VAMP5: variants seen among roughly 807,000 people sequenced by gnomAD.
VAMP5 encodes vesicle associated membrane protein 5.
In VAMP5, 10 loss-of-function variants were observed where a neutral mutation model predicts 8.1. The ratio of observed to expected loss-of-function variants is 1.23; its 90% CI spans 0.76 to 2.09. The LOEUF (loss-of-function observed/expected upper bound fraction) is 2.09, where lower values mean the gene tolerates loss of function less well. Among genes scored for constraint, VAMP5 ranks in the 30% most tolerant of loss-of-function variants. The pLI is 0.00. For synonymous variants in VAMP5, 62 were observed against 60.6 expected, an observed-to-expected ratio of 1.02 and a Z score of -0.11; for missense variants, 135 against 152.5, an observed-to-expected ratio of 0.89 and a Z score of 0.60.
intron 2 of VAMP5, among the ~76,000 whole-genome samples, chr2:85,592,376 C>T (rs1176228930): frequency 2.0e-5 from 3 of 152,312 alleles, no homozygotes; most frequent in African/African-American, 7.2e-5. Flanking sequence ...GGATTACAGG[C>T]ATGAGCCACT....
intron 1 of VAMP5, among the ~76,000 whole-genome samples, chr2:85,588,027 T>G: frequency 6.6e-6 from 1 of 152,098 alleles, no homozygotes; most frequent in Non-Finnish European, 1.5e-5. Context: ...GTCTCACTCC[T>G]TTGCCCAGGC....
At chr2:85,585,794 A>C (rs925053158) in intron 1 of VAMP5, among the ~76,000 whole-genome samples, 2 of 151,028 alleles carry the variant, frequency 1.3e-5, no homozygotes, top group Non-Finnish European at 3.0e-5. Flanking sequence ...TTCTTCTTTC[A>C]CTCTTGCCCC....
At chr2:85,587,319 C>T (rs996559069) in intron 1 of VAMP5, among the ~76,000 whole-genome samples, 3 of 151,216 alleles carry the variant, frequency 2.0e-5, no homozygotes, top group African/African-American at 7.3e-5. Flanking sequence ...GTGCAGTGGC[C>T]CTTAGTTCAC....
chr2:85,584,539 C>A (rs1018741877), intron 1 of VAMP5, 46 bp downstream of exon 1: 4 of 1,236,370 alleles, frequency 3.2e-6, no homozygotes, highest in African/African-American at 1.6e-5. Flanking sequence ...GGGCAGAGGG[C>A]GAGTGGCGAG....
chr2:85,590,035 T>G (rs958604119), intron 1 of VAMP5, among the ~76,000 whole-genome samples: 1 of 152,096 alleles, frequency 6.6e-6, no homozygotes, highest in African/African-American at 2.4e-5. Flanking sequence ...GTAGTAATAA[T>G]AGTGATGACG....
rs11311 is a variant in VAMP5 at position 85,584,469 on chromosome 2, C to T, written c.-22C>T. ...CGCAGGCAGAGAAGCCGGGAGCGGG[C>T]GAGGCGGCGGCGGCAGCAGCGATGG... On this transcript the variant is annotated 5_prime_UTR_variant, in exon 1 of 3. Coordinates refer to ENST00000306384, the MANE Select transcript of VAMP5 (RefSeq NM_006634.3). The T allele has an allele frequency of 0.14, 179,193 of 1,242,550 alleles. 18,855 individuals are homozygous for T. Among genetic ancestry groups the T allele is most frequent in the African/African-American group, 0.52 (33,706 of 64,532 alleles). The allele number at this position is 1,242,550 out of a possible 1,614,324, so 77.0% of individuals were successfully genotyped here. A position where few individuals can be genotyped will look rare whatever the true frequency, so the allele number is the denominator to read the frequency against.
In VAMP5 at chr2:85,593,350, C is replaced by T. The variant is rs1672579256; in HGVS notation, c.*193C>T. On this transcript the variant is annotated 3_prime_UTR_variant, in exon 3 of 3. Coordinates refer to ENST00000306384, the MANE Select transcript of VAMP5 (RefSeq NM_006634.3). ...AGCCTGCTGTACTGGCCATGCTGGG[C>T]CAGCCCCACCTGGAGCTCAGTAAAA... 3 of 628,626 alleles carry T rather than the reference C, an allele frequency of 4.8e-6. No individual in the cohort carries two copies. The highest frequency in any genetic ancestry group is 1.9e-5 in the South Asian group (1 of 52,542). 38.9% of individuals were successfully genotyped at this position (628,626 alleles called of 1,614,324 possible). A position where few individuals can be genotyped will look rare whatever the true frequency, so the allele number is the denominator to read the frequency against.
intron 1 of VAMP5, among the ~76,000 whole-genome samples, chr2:85,589,376 G>A (rs972507969): frequency 3.9e-5 from 6 of 152,248 alleles, no homozygotes; most frequent in African/African-American, 7.2e-5. Flanking sequence ...TCCCTGGAGC[G>A]AATGTGTTCT....
intron 1 of VAMP5, among the ~76,000 whole-genome samples, chr2:85,586,252 A>G (rs547567076): frequency 1.4e-4 from 21 of 152,254 alleles, no homozygotes; most frequent in African/African-American, 5.1e-4. Context: ...TGGACAGGTG[A>G]TTTAACACCT....
chr2:85,590,860 T>A (rs915263729), intron 1 of VAMP5, among the ~76,000 whole-genome samples: 1 of 152,216 alleles, frequency 6.6e-6, no homozygotes, highest in Non-Finnish European at 1.5e-5. Context: ...GTGCCTTTCT[T>A]GCACATGACC....
intron 1 of VAMP5, among the ~76,000 whole-genome samples, chr2:85,585,863 A>ACTTTT (rs1187671991): frequency 5.3e-5 from 8 of 151,262 alleles, no homozygotes; most frequent in African/African-American, 1.9e-4. Flanking sequence ...TCTTCCTTTC[A>ACTTTT]CTTTTCTTTT....
rs184304322 is a variant in VAMP5, at chr2:85,593,233, C to T, written c.*76C>T. 5 of 1,506,234 alleles carry T rather than the reference C, an allele frequency of 3.3e-6. No homozygotes were observed. The highest frequency in any genetic ancestry group is 3.6e-6 in the Non-Finnish European group (4 of 1,101,728). 93.3% of individuals were successfully genotyped at this position (1,506,234 alleles called of 1,614,324 possible). On this transcript the variant is annotated 3_prime_UTR_variant, in exon 3 of 3. Transcript: ENST00000306384. ...TCTCCAGAGGACCTTGGTGTTTGCT[C>T]TCCCTTGACCCACCCCAGTGAGTGC... is the stretch of plus-strand genomic sequence containing the variant.
At chr2:85,591,541 G>C in intron 1 of VAMP5, 184 bp from the exon 2 acceptor site, 2 of 821,474 alleles carry the variant, frequency 2.4e-6, no homozygotes, top group Non-Finnish European at 3.7e-6. Flanking sequence ...TGAGACTTAA[G>C]GTGTGCCGCA....
chr2:85,593,242 C>G lies in VAMP5; in HGVS notation c.*85C>G, dbSNP rs936875524. 30 of 1,456,786 alleles carry G rather than the reference C, an allele frequency of 2.1e-5. No homozygotes were observed. The African/African-American group carries it at 4.2e-4, about 20-fold the overall frequency. 90.2% of individuals were successfully genotyped at this position (1,456,786 alleles called of 1,614,324 possible). ...GACCTTGGTGTTTGCTCTCCCTTGA[C>G]CCACCCCAGTGAGTGCCAAAGGGCA... is the stretch of plus-strand genomic sequence containing the variant. On this transcript the variant is annotated 3_prime_UTR_variant, in exon 3 of 3. Coordinates refer to ENST00000306384, the MANE Select transcript of VAMP5 (RefSeq NM_006634.3).
chr2:85,591,676 G>A, intron 1 of VAMP5, 49 bp from the exon 2 acceptor site: 1 of 1,612,504 alleles, frequency 6.2e-7, no homozygotes, highest in Non-Finnish European at 8.5e-7. Context: ...GGGCAGATGA[G>A]GGCCAGGTGG....
At chr2:85,592,094 T>A (rs570531717) in intron 2 of VAMP5, among the ~76,000 whole-genome samples, 1 of 152,102 alleles carries the variant, frequency 6.6e-6, no homozygotes, top group Non-Finnish European at 1.5e-5. Flanking sequence ...AAAACTGGTA[T>A]CGTTTTTTGT....
chr2:85,588,584 T>A (rs561062715), intron 1 of VAMP5, among the ~76,000 whole-genome samples: 120 of 152,314 alleles, frequency 7.9e-4, no homozygotes, highest in Non-Finnish European at 1.5e-3. Context: ...CCCCTCTGGC[T>A]GGCCTCTCTG....
At chr2:85,592,270 G>T (rs925524144) in intron 2 of VAMP5, among the ~76,000 whole-genome samples, 1 of 151,990 alleles carries the variant, frequency 6.6e-6, no homozygotes, top group Non-Finnish European at 1.5e-5. Flanking sequence ...TCTAATTTTT[G>T]ATTTTTTGTA....
rs1344999067 is a variant in VAMP5 at position 85,593,397 on chromosome 2, G to T, written c.*240G>T. The T allele has an allele frequency of 5.4e-6, 3 of 560,190 alleles. No individual in the cohort carries two copies. The highest frequency in any genetic ancestry group is 3.8e-5 in the African/African-American group (2 of 52,960). The allele number at this position is 560,190 out of a possible 1,614,324, so 34.7% of individuals were successfully genotyped here. A position where few individuals can be genotyped will look rare whatever the true frequency, so the allele number is the denominator to read the frequency against. ...AAAAACTGCTGTTTGATTAAAAGCT[G>T]GTATCTGTGTGTGAAGGTCCCCAGG... On this transcript the variant is annotated 3_prime_UTR_variant, in exon 3 of 3. Coordinates refer to ENST00000306384, the MANE Select transcript of VAMP5 (RefSeq NM_006634.3).
Sources: allele counts gnomAD v4.1 joint callset (sites outside exome capture counted in the v4.1 genomes callset), GRCh38; gene constraint gnomAD v4.1.1; transcripts MANE v1.5; gene names NCBI Gene and HGNC (gene_info 2026-07-23, HGNC 2026-07-21).